Variants in NCBP1 observed in about 807,000 individuals in gnomAD.
NCBP1 encodes nuclear cap-binding protein subunit 1.
A neutral mutation model predicts 111.7 loss-of-function variants in NCBP1; 16 were observed. The ratio of observed to expected loss-of-function variants is 0.14; its 90% CI spans 0.10 to 0.22. The LOEUF (loss-of-function observed/expected upper bound fraction) is 0.22. NCBP1 is among the 10% of genes least tolerant of loss of function. The pLI is 1.00. For missense variants in NCBP1, 607 were observed against 957.5 expected (o/e 0.63, Z 4.83); for synonymous variants, 304 against 314.3 (o/e 0.97, Z 0.35).
At chr9:97,669,067 T>G in intron 21 of NCBP1, 93 bp downstream of exon 21, 1 of 1,355,924 alleles carries the variant, frequency 7.4e-7, no homozygotes. Flanking sequence ...GTAAAAGGAA[T>G]ACACATTCAT....
At chr9:97,645,562 G>T in intron 5 of NCBP1, 49 bp from the exon 6 acceptor site, 5 of 1,539,222 alleles carry the variant, frequency 3.2e-6, no homozygotes, top group Non-Finnish European at 4.5e-6. Context: ...AAATATGAAT[G>T]AATATAATTA....
intron 10 of NCBP1, among the ~76,000 whole-genome samples, chr9:97,652,008 ATT>A (rs111943212): frequency 1.6e-4 from 23 of 146,970 alleles, no homozygotes; most frequent in African/African-American, 5.7e-4. Flanking sequence ...TGTTAACTGC[ATT>A]TTTTTTTTTT....
intron 15 of NCBP1, among the ~76,000 whole-genome samples, chr9:97,659,715 GTCCTGTACTGGT>G (rs1827777387): frequency 6.6e-6 from 1 of 152,136 alleles, no homozygotes; most frequent in Non-Finnish European, 1.5e-5. Context: ...TTTGAGTTTT[GTCCTGTACTGGT>G]TCCGAGAATG....
chr9:97,649,346 A>G (rs538741317), intron 8 of NCBP1, among the ~76,000 whole-genome samples: 17 of 152,232 alleles, frequency 1.1e-4, no homozygotes, highest in African/African-American at 2.6e-4. Flanking sequence ...CTAAATGTCA[A>G]TAGCACTCTC....
chr9:97,669,305 T>C (rs952004322), intron 21 of NCBP1, among the ~76,000 whole-genome samples: 1 of 152,206 alleles, frequency 6.6e-6, no homozygotes, highest in Non-Finnish European at 1.5e-5. Context: ...CATAGATTCC[T>C]GTTAAAATTT....
intron 16 of NCBP1, among the ~76,000 whole-genome samples, chr9:97,661,617 A>C (rs1827836099): frequency 6.6e-6 from 1 of 152,128 alleles, no homozygotes; most frequent in African/African-American, 2.4e-5. Context: ...TTTTGTTTGG[A>C]TATCTCTAAG....
chr9:97,634,638 T>C (rs990638804), intron 1 of NCBP1: 1 of 152,188 alleles, frequency 6.6e-6, no homozygotes, highest in Non-Finnish European at 1.5e-5. Flanking sequence ...AATTCTAGTT[T>C]TAACAACAAC....
intron 1 of NCBP1, among the ~76,000 whole-genome samples, 193 bp from the exon 2 acceptor site, chr9:97,640,601 T>A (rs1366303179): frequency 1.3e-5 from 2 of 152,108 alleles, no homozygotes; most frequent in African/African-American, 4.8e-5. Flanking sequence ...GGAGTTATTG[T>A]ATATAGTGGC....
chr9:97,664,713 G>A (rs111630826), intron 19 of NCBP1, among the ~76,000 whole-genome samples: 82 of 152,266 alleles, frequency 5.4e-4, no homozygotes, highest in South Asian at 2.9e-3. Context: ...CAGACTGTTG[G>A]GAGAGAAAAC....
At chr9:97,655,118 G>T (rs1377154387) in intron 12 of NCBP1, among the ~76,000 whole-genome samples, 174 bp downstream of exon 12, 1 of 152,084 alleles carries the variant, frequency 6.6e-6, no homozygotes, top group South Asian at 2.1e-4. Context: ...TACGTTTTTT[G>T]ATGTCCATGC....
At chr9:97,655,100 T>C (rs75247692) in intron 12 of NCBP1, among the ~76,000 whole-genome samples, 156 bp downstream of exon 12, 167 of 152,372 alleles carry the variant, frequency 1.1e-3, no homozygotes, top group African/African-American at 3.9e-3. Flanking sequence ...TCATACTTAA[T>C]GTAACATTAC....
rs1587994033 is a variant in NCBP1, at chr9:97,637,953, C to CT, written c.35-2840dup. 2.6e-5 allele frequency among the ~76,000 whole-genome samples: 4 copies of CT among 152,292 alleles called. No homozygotes were observed. In the East Asian group the frequency reaches 7.7e-4, roughly 29 times the overall value. ...GCTTCTCTATACTAGCCAAGTCTGT[C>CT]TGAGTGAAGTGGTAATGTTATCTTT... On this transcript the variant is annotated intron_variant, in intron 1 of 22. Coordinates refer to ENST00000375147, the MANE Select transcript of NCBP1 (RefSeq NM_002486.5).
chr9:97,641,856 A>G (rs1366908904), intron 3 of NCBP1, among the ~76,000 whole-genome samples, 194 bp downstream of exon 3: 1 of 152,130 alleles, frequency 6.6e-6, no homozygotes, highest in Non-Finnish European at 1.5e-5. Flanking sequence ...AAAATTGAAC[A>G]TTTTCCTTGT....
intron 21 of NCBP1, among the ~76,000 whole-genome samples, chr9:97,669,225 C>CT (rs1828102534): frequency 6.6e-6 from 1 of 151,866 alleles, no homozygotes; most frequent in African/African-American, 2.4e-5. Context: ...TTGTGGGTTG[C>CT]TTTTTTTATA....
intron 4 of NCBP1, among the ~76,000 whole-genome samples, chr9:97,643,660 A>G (rs922452866): frequency 6.6e-6 from 1 of 152,050 alleles, no homozygotes; most frequent in Non-Finnish European, 1.5e-5. Flanking sequence ...CAGCTCATAC[A>G]GTGGCCACTG....
At chr9:97,654,392 ATCT>A (rs1014752740) in intron 11 of NCBP1, among the ~76,000 whole-genome samples, 11 of 152,330 alleles carry the variant, frequency 7.2e-5, no homozygotes, top group African/African-American at 2.2e-4. Context: ...CATAGAAAGC[ATCT>A]TCTTATTTTT....
At chr9:97,665,899 ATTC>A (rs1449613687) in intron 19 of NCBP1, among the ~76,000 whole-genome samples, 2 of 152,196 alleles carry the variant, frequency 1.3e-5, no homozygotes, top group Non-Finnish European at 2.9e-5. Flanking sequence ...TATATCCTGT[ATTC>A]TTACAATAAA....
intron 10 of NCBP1, among the ~76,000 whole-genome samples, chr9:97,652,650 C>T (rs913254775): frequency 1.3e-5 from 2 of 152,130 alleles, no homozygotes; most frequent in Admixed American, 6.5e-5. Flanking sequence ...ATGAAAGAGA[C>T]AGCATAGGAT....
At chr9:97,646,337 G>A (rs1827334081) in intron 6 of NCBP1, among the ~76,000 whole-genome samples, 1 of 152,062 alleles carries the variant, frequency 6.6e-6, no homozygotes, top group Admixed American at 6.5e-5. Flanking sequence ...GGTTTATATT[G>A]TTAGATACAA....
Sources: allele counts gnomAD v4.1 joint callset (sites outside exome capture counted in the v4.1 genomes callset), GRCh38; gene constraint gnomAD v4.1.1; transcripts MANE v1.5; gene names NCBI Gene and HGNC (gene_info 2026-07-23, HGNC 2026-07-21).